Variants in CFAP410 observed in about 807,000 individuals in gnomAD.
CFAP410 encodes cilia- and flagella-associated protein 410.
A neutral mutation model predicts 25.7 loss-of-function variants in CFAP410; 27 were observed. That is an observed-to-expected ratio of 1.05 (90% CI 0.77 to 1.45). The LOEUF (loss-of-function observed/expected upper bound fraction) is 1.45. Among genes scored for constraint, CFAP410 ranks in the 40% most tolerant of loss-of-function variants. CFAP410 has a pLI of 0.00. For missense variants in CFAP410, 428 were observed against 354.1 expected (o/e 1.21, Z -1.67); for synonymous variants, 178 against 158.4 (o/e 1.12, Z -0.93).
chr21:44,330,723 C>A, intron 6 of CFAP410, 100 bp downstream of exon 6: 3 of 1,549,436 alleles, frequency 1.9e-6, no homozygotes, highest in Non-Finnish European at 1.7e-6. Flanking sequence ...TGCTCCCTCC[C>A]CACGGGGCCC....
In CFAP410 at chr21:44,337,599, C is replaced by A. The variant is rs757638302; in HGVS notation, c.96+50G>T. On this transcript the variant is annotated intron_variant, in intron 2 of 6. Transcript: ENST00000339818. ...AGAAGCTACAACATTTGGGTTGAGG[C>A]TATTTGGAGATGATCAGTGCAATAC... 258 of 1,564,558 alleles carry A rather than the reference C, an allele frequency of 1.6e-4. 2 individuals are homozygous for A. The highest frequency in any genetic ancestry group is 3.0e-5 in the Non-Finnish European group (34 of 1,144,750).
chr21:44,331,610 T>C, intron 5 of CFAP410: 1 of 536,502 alleles, frequency 1.9e-6, no homozygotes, highest in Non-Finnish European at 3.3e-6. Flanking sequence ...TCACCCCCTC[T>C]CCTGCTCCCT....
In CFAP410 at chr21:44,339,278, G is replaced by A. The variant is rs989025139; in HGVS notation, c.-84C>T. Reference sequence around the variant, plus strand: ...CGACTGCGCGGCGCGTGTCTCCAGGGGCGGGGCCCGCGTCGTCAGGGGCGG... The same window carrying A: ...CGACTGCGCGGCGCGTGTCTCCAGGAGCGGGGCCCGCGTCGTCAGGGGCGG... On this transcript the variant is annotated 5_prime_UTR_variant, in exon 1 of 7. Coordinates refer to ENST00000339818, the MANE Select transcript of CFAP410 (RefSeq NM_004928.3). The A allele has an allele frequency of 3.4e-5, 29 of 865,242 alleles. No individual in the cohort carries two copies. Among genetic ancestry groups the A allele is most frequent in the Non-Finnish European group, 4.4e-5 (27 of 613,602 alleles). 53.6% of individuals were successfully genotyped at this position (865,242 alleles called of 1,614,324 possible).
At chr21:44,331,465 T>G in intron 5 of CFAP410, 1 of 292,050 alleles carries the variant, frequency 3.4e-6, no homozygotes, top group Non-Finnish European at 6.5e-6. Flanking sequence ...CCCAAGGCCA[T>G]ACGGGCACTG....
chr21:44,336,532 C>G (rs183304922), intron 2 of CFAP410, among the ~76,000 whole-genome samples: 1 of 152,200 alleles, frequency 6.6e-6, no homozygotes, highest in African/African-American at 2.4e-5. Context: ...CAAAGCCTCA[C>G]AACCTGCAAA....
At position 44,339,262 on chromosome 21, in the gene CFAP410, G is replaced by T. The variant is rs1201967565; in HGVS notation, c.-68C>A. ...GATCCCGGGCGGGTGACGACTGCGCGGCGCGTGTCTCCAGGGGCGGGGCCC... is the reference window on the plus strand; with the variant it reads ...GATCCCGGGCGGGTGACGACTGCGCTGCGCGTGTCTCCAGGGGCGGGGCCC... On this transcript the variant is annotated 5_prime_UTR_variant, in exon 1 of 7. Transcript: ENST00000339818. The T allele has an allele frequency of 1.1e-5, 11 of 1,037,146 alleles. No individual in the cohort carries two copies. In the Admixed American group the frequency reaches 4.0e-4, roughly 38 times the overall value. 64.2% of individuals were successfully genotyped at this position (1,037,146 alleles called of 1,614,324 possible). A position where few individuals can be genotyped will look rare whatever the true frequency, so the allele number is the denominator to read the frequency against.
chr21:44,331,303 C>G (rs2047644068), intron 5 of CFAP410: 1 of 296,104 alleles, frequency 3.4e-6, no homozygotes, highest in East Asian at 7.0e-5. Context: ...CCGATGCCCC[C>G]ACCACAGGCA....
intron 1 of CFAP410, chr21:44,338,670 G>C (rs1028314660): frequency 3.3e-4 from 55 of 167,514 alleles, no homozygotes; most frequent in Non-Finnish European, 5.1e-4. Context: ...AATGGGGGGG[G>C]GCCCAGGCGA....
chr21:44,331,918 AGCTTGGGGCC>A lies in CFAP410; in HGVS notation c.460_469del (p.Gly154TyrfsTer5). The A allele has an allele frequency of 2.5e-6, 4 of 1,613,342 alleles. No homozygotes were observed. Among genetic ancestry groups the A allele is most frequent in the Non-Finnish European group, 3.4e-6 (4 of 1,179,834 alleles). On this transcript the variant is annotated frameshift_variant, in exon 5 of 7. Coordinates refer to ENST00000339818, the MANE Select transcript of CFAP410 (RefSeq NM_004928.3). LOFTEE classifies it high-confidence loss of function. The stretch of plus-strand genomic sequence containing the variant: ...GCTGAGGGAGCTCAGTGTGCAGCAT[AGCTTGGGGCC>A]GCCGTGGCCTGTGCCCTCTCTCTCT...
intron 1 of CFAP410, among the ~76,000 whole-genome samples, chr21:44,337,977 A>T (rs1818839840): frequency 1.3e-5 from 2 of 152,210 alleles, no homozygotes; most frequent in Non-Finnish European, 2.9e-5. Context: ...CAGAAGGTTC[A>T]TTTCTCTCAC....
chr21:44,330,815 C>A lies in CFAP410; in HGVS notation c.642+8G>T, dbSNP rs1276167083. ...GGCAGCCGCGGCCCCTAGCGGCCCG[C>A]CACTCACCCTGCCCCTGTGGCTGCT... On this transcript the variant is annotated splice_region_variant and intron_variant, in intron 6 of 6. Transcript: ENST00000339818. 6.3e-7 allele frequency: 1 copy of A among 1,591,836 alleles called. No homozygotes were observed. Among genetic ancestry groups the A allele is most frequent in the Non-Finnish European group, 8.5e-7 (1 of 1,169,902 alleles).
Position 44,339,278 on chromosome 21 carries a change from G to T in CFAP410, c.-84C>A. ...CGACTGCGCGGCGCGTGTCTCCAGG[G>T]GCGGGGCCCGCGTCGTCAGGGGCGG... On this transcript the variant is annotated 5_prime_UTR_variant, in exon 1 of 7. Transcript: ENST00000339818. 1.2e-6 allele frequency: 1 copy of T among 865,358 alleles called. No homozygotes were observed. The highest frequency in any genetic ancestry group is 1.6e-6 in the Non-Finnish European group (1 of 613,596). 53.6% of individuals were successfully genotyped at this position (865,358 alleles called of 1,614,324 possible).
chr21:44,339,233 T>A lies in CFAP410; in HGVS notation c.-39A>T. 1.5e-6 allele frequency: 2 copies of A among 1,323,010 alleles called. No individual in the cohort carries two copies. Among genetic ancestry groups the A allele is most frequent in the Non-Finnish European group, 9.9e-7 (1 of 1,005,586 alleles). The allele number at this position is 1,323,010 out of a possible 1,614,324, so 82.0% of individuals were successfully genotyped here. A position where few individuals can be genotyped will look rare whatever the true frequency, so the allele number is the denominator to read the frequency against. On this transcript the variant is annotated 5_prime_UTR_variant, in exon 1 of 7. Coordinates refer to ENST00000339818, the MANE Select transcript of CFAP410 (RefSeq NM_004928.3). ...GCCCGACCGGCGGGCGCCCCCGGCC[T>A]CCTGATCCCGGGCGGGTGACGACTG...
intron 3 of CFAP410, chr21:44,334,177 T>C (rs1264719411): frequency 4.4e-6 from 2 of 456,208 alleles, no homozygotes; most frequent in Non-Finnish European, 8.8e-6. Flanking sequence ...TCCGCTCCAG[T>C]GCAGTCAGGC....
At chr21:44,332,968 G>A (rs891927048) in intron 4 of CFAP410, 65 bp downstream of exon 4, 2 of 1,094,458 alleles carry the variant, frequency 1.8e-6, no homozygotes, top group East Asian at 2.6e-5. Context: ...GAGAAAAGAG[G>A]GCTGGGGACA....
At chr21:44,334,306 G>A in intron 3 of CFAP410, 1 of 455,794 alleles carries the variant, frequency 2.2e-6, no homozygotes, top group Non-Finnish European at 4.4e-6. Flanking sequence ...GTGGCCCCTG[G>A]GTGACTCAGT....
chr21:44,337,444 A>G (rs1480413749), intron 2 of CFAP410, among the ~76,000 whole-genome samples: 1 of 152,264 alleles, frequency 6.6e-6, no homozygotes, highest in Non-Finnish European at 1.5e-5. Flanking sequence ...ACTGCAAAAT[A>G]AGCCTGGCAC....
At position 44,331,323 on chromosome 21, in the gene CFAP410, G is replaced by C. The variant is rs958458316; in HGVS notation, c.546-404C>G. ...GCCCCCACCACAGGCACCAGCAGCGGGTGTGATCTGCCAAGCAGGAGAGAA... is the reference window on the plus strand; with the variant it reads ...GCCCCCACCACAGGCACCAGCAGCGCGTGTGATCTGCCAAGCAGGAGAGAA... On this transcript the variant is annotated intron_variant, in intron 5 of 6. Coordinates refer to ENST00000339818, the MANE Select transcript of CFAP410 (RefSeq NM_004928.3). 3.2e-5 allele frequency: 9 copies of C among 279,642 alleles called. No homozygotes were observed. The Admixed American group carries it at 3.9e-4, about 12-fold the overall frequency. The allele number at this position is 279,642 out of a possible 1,614,324, so 17.3% of individuals were successfully genotyped here.
Position 44,333,010 on chromosome 21 carries a change from G to A in CFAP410, c.373+23C>T, listed in dbSNP as rs752269920. ...TCCAGGGATTGTTTTGGGAGGGCCG[G>A]TGACTCCGCTGCGGCCACCTACCCT... On this transcript the variant is annotated intron_variant, in intron 4 of 6. Coordinates refer to ENST00000339818, the MANE Select transcript of CFAP410 (RefSeq NM_004928.3). 5.3e-6 allele frequency: 8 copies of A among 1,509,892 alleles called. No individual in the cohort carries two copies. The African/African-American group carries it at 1.1e-4, about 21-fold the overall frequency. The allele number at this position is 1,509,892 out of a possible 1,614,324, so 93.5% of individuals were successfully genotyped here.
Sources: allele counts gnomAD v4.1 joint callset (sites outside exome capture counted in the v4.1 genomes callset), GRCh38; gene constraint gnomAD v4.1.1; transcripts MANE v1.5; gene names NCBI Gene and HGNC (gene_info 2026-07-23, HGNC 2026-07-21).